Variants in EBF1 observed in about 807,000 individuals in gnomAD.
EBF1 encodes the protein EBF transcription factor 1.
In EBF1, 10 loss-of-function variants were observed where a neutral mutation model predicts 68.4. That is an observed-to-expected ratio of 0.15 (90% CI 0.09 to 0.25). EBF1 has a LOEUF of 0.25. Ranked by LOEUF, EBF1 falls within the 10% of genes least tolerant of loss-of-function variation. The pLI, the probability that EBF1 is intolerant of heterozygous loss-of-function variation, is 1.00. For synonymous variants in EBF1, 298 were observed against 299.8 expected (o/e 0.99, Z 0.06); for missense variants, 509 against 794.4 (o/e 0.64, Z 4.32).
At chr5:158,714,095 GC>G (rs1760084100) in intron 12 of EBF1, 21 bp downstream of exon 12, 3 of 1,613,398 alleles carry the variant, frequency 1.9e-6, no homozygotes, top group Non-Finnish European at 2.5e-6. Context: ...GTCCACACAG[GC>G]TAGACACCCA....
At chr5:159,044,069 A>G (rs6879259) in intron 6 of EBF1, among the ~76,000 whole-genome samples, 3,235 of 152,324 alleles carry the variant, frequency 0.021, 107 homozygotes, top group African/African-American at 0.073. Flanking sequence ...GACCTTATAC[A>G]ACACCTAATT....
intron 6 of EBF1, among the ~76,000 whole-genome samples, chr5:159,047,064 G>C (rs1043575106): frequency 6.6e-6 from 1 of 152,136 alleles, no homozygotes; most frequent in Non-Finnish European, 1.5e-5. Context: ...GTTTATTATT[G>C]AGTACTGAGT....
intron 6 of EBF1, among the ~76,000 whole-genome samples, chr5:159,024,064 C>A (rs967808877): frequency 6.6e-6 from 1 of 152,110 alleles, no homozygotes; most frequent in Non-Finnish European, 1.5e-5. Context: ...AGAACCTTAT[C>A]TCCTAAGAAA....
chr5:158,771,593 G>C (rs1397780731), intron 10 of EBF1, among the ~76,000 whole-genome samples: 1 of 152,146 alleles, frequency 6.6e-6, no homozygotes, highest in Non-Finnish European at 1.5e-5. Flanking sequence ...GATTGAGGAA[G>C]AGTTTCTATT....
intron 7 of EBF1, among the ~76,000 whole-genome samples, chr5:158,834,767 C>T (rs1788371291): frequency 6.6e-6 from 1 of 152,200 alleles, no homozygotes; most frequent in Admixed American, 6.5e-5. Flanking sequence ...CAGTCACCTA[C>T]ACAGGCCCCT....
At chr5:159,057,232 G>T (rs1296720286) in intron 6 of EBF1, among the ~76,000 whole-genome samples, 1 of 150,458 alleles carries the variant, frequency 6.6e-6, no homozygotes, top group African/African-American at 2.4e-5. Flanking sequence ...TCAGCCTCCT[G>T]AGTAGCTGAG....
chr5:158,929,546 C>A (rs1810398191), intron 6 of EBF1, among the ~76,000 whole-genome samples: 1 of 152,178 alleles, frequency 6.6e-6, no homozygotes, highest in Non-Finnish European at 1.5e-5. Context: ...TCACATGTGT[C>A]TACAGCACAA....
At chr5:158,725,403 C>A (rs114570135) in intron 11 of EBF1, among the ~76,000 whole-genome samples, 7 of 152,218 alleles carry the variant, frequency 4.6e-5, no homozygotes, top group Admixed American at 6.5e-5. Flanking sequence ...TTTACTGACA[C>A]CTGCTGGAAT....
chr5:158,793,369 T>C (rs1779015436), intron 9 of EBF1, among the ~76,000 whole-genome samples: 1 of 152,208 alleles, frequency 6.6e-6, no homozygotes, highest in African/African-American at 2.4e-5. Context: ...ATTTTTCTGC[T>C]TCTACAAAAA....
chr5:158,803,728 T>A (rs1041684194), intron 8 of EBF1, among the ~76,000 whole-genome samples: 1 of 152,016 alleles, frequency 6.6e-6, no homozygotes, highest in Admixed American at 6.6e-5. Flanking sequence ...GCAGCCTTTA[T>A]AACACTTATG....
At position 158,776,388 on chromosome 5, in the gene EBF1, A is replaced by AAG. The variant is rs1213207822; in HGVS notation, c.1036+1023_1036+1024dup. On this transcript the variant is annotated intron_variant, in intron 10 of 15. Coordinates refer to ENST00000313708, the MANE Select transcript of EBF1 (RefSeq NM_024007.5). ...ACTTCTAATATTGAAATACAAGGGA[A>AAG]AGATGCTCTGAAGTAAAATGTCACA... Among the ~76,000 whole-genome samples, 10 of 152,110 alleles carry AAG rather than the reference A, an allele frequency of 6.6e-5. 1 individual carries two copies. In the East Asian group the frequency reaches 1.9e-3, roughly 29 times the overall value.
intron 11 of EBF1, among the ~76,000 whole-genome samples, chr5:158,730,690 G>A (rs767129537): frequency 2.0e-5 from 3 of 152,136 alleles, no homozygotes; most frequent in Non-Finnish European, 2.9e-5. Context: ...AAGATGTAGC[G>A]ATTAAGTAGC....
intron 6 of EBF1, among the ~76,000 whole-genome samples, chr5:158,929,120 C>A (rs191114434): frequency 4.9e-4 from 75 of 152,178 alleles, no homozygotes; most frequent in African/African-American, 1.7e-3. Flanking sequence ...GAGACAGAGG[C>A]AGAGAGATAC....
chr5:158,766,027 T>C (rs1213622346), intron 10 of EBF1, among the ~76,000 whole-genome samples: 1 of 152,234 alleles, frequency 6.6e-6, no homozygotes, highest in Admixed American at 6.5e-5. Flanking sequence ...TTCTCAATTA[T>C]GTTACTTTAA....
At chr5:158,769,724 G>C (rs1773501945) in intron 10 of EBF1, among the ~76,000 whole-genome samples, 1 of 150,032 alleles carries the variant, frequency 6.7e-6, no homozygotes. Context: ...ATATGTTGTG[G>C]AACAAAAAAA....
intron 10 of EBF1, among the ~76,000 whole-genome samples, chr5:158,740,207 C>T (rs1300270653): frequency 6.6e-6 from 1 of 152,192 alleles, no homozygotes; most frequent in Non-Finnish European, 1.5e-5. Flanking sequence ...CTAGAACAAG[C>T]CTACCAGTGA....
chr5:158,937,416 G>A (rs1812251813), intron 6 of EBF1, among the ~76,000 whole-genome samples: 1 of 152,144 alleles, frequency 6.6e-6, no homozygotes, highest in Non-Finnish European at 1.5e-5. Flanking sequence ...GAGAACAGCA[G>A]CAGGAGCTAC....
chr5:158,715,711 T>C (rs1760528776), intron 11 of EBF1, among the ~76,000 whole-genome samples: 1 of 152,228 alleles, frequency 6.6e-6, no homozygotes, highest in Non-Finnish European at 1.5e-5. Flanking sequence ...TTACCACTTT[T>C]TGTTTGCTGT....
intron 6 of EBF1, among the ~76,000 whole-genome samples, chr5:158,907,885 C>T (rs1805005864): frequency 6.6e-6 from 1 of 151,944 alleles, no homozygotes; most frequent in African/African-American, 2.4e-5. Flanking sequence ...GAAATCACTT[C>T]AATGAAAACT....
Sources: allele counts gnomAD v4.1 joint callset (sites outside exome capture counted in the v4.1 genomes callset), GRCh38; gene constraint gnomAD v4.1.1; transcripts MANE v1.5; gene names NCBI Gene and HGNC (gene_info 2026-07-23, HGNC 2026-07-21).